GALNT13: variants seen among roughly 807,000 people sequenced by gnomAD.
The protein encoded by GALNT13 is polypeptide N-acetylgalactosaminyltransferase 13, also known as UDP-GalNAc:polypeptide N-acetylgalactosaminyltransferase 13.
A neutral mutation model predicts 64.2 loss-of-function variants in GALNT13; 28 were observed. The ratio of observed to expected loss-of-function variants is 0.44; its 90% CI spans 0.32 to 0.60. The LOEUF is 0.60. Among genes scored for constraint, GALNT13 ranks in the 20% least tolerant of loss-of-function variants. The probability of loss-of-function intolerance (pLI) is 0.05; values close to 1 mark genes in which losing one functional copy is unlikely to be tolerated. For synonymous variants in GALNT13, 214 were observed against 224.6 expected, an observed-to-expected ratio of 0.95 and a Z score of 0.42; for missense variants, 577 against 669.8, an observed-to-expected ratio of 0.86 and a Z score of 1.53.
the GALNT13 span, among the ~76,000 whole-genome samples, chr2:153,169,449 C>A: frequency 6.6e-6 from 1 of 152,152 alleles, no homozygotes; most frequent in Non-Finnish European, 1.5e-5. Flanking sequence ...AATCTGGAAG[C>A]ATGACTCATT....
At chr2:153,884,793 GTA>G (rs368640974) in intron 1 of GALNT13, among the ~76,000 whole-genome samples, 136 of 59,810 alleles carry the variant, frequency 2.3e-3, no homozygotes, top group East Asian at 8.0e-3. Context: ...ATATGTGTGT[GTA>G]TATATATATA....
the GALNT13 span, among the ~76,000 whole-genome samples, chr2:153,792,522 C>T: frequency 6.6e-6 from 1 of 152,080 alleles, no homozygotes; most frequent in African/African-American, 2.4e-5. Flanking sequence ...GGCCAATCCT[C>T]TTGATTTAAT....
the GALNT13 span, among the ~76,000 whole-genome samples, chr2:153,658,803 C>T: frequency 2.0e-5 from 3 of 150,386 alleles, no homozygotes; most frequent in Admixed American, 2.0e-4. Context: ...TTCTTTAAGA[C>T]AATCCAGAAA....
At chr2:153,973,172 A>G (rs978843888) in intron 3 of GALNT13, among the ~76,000 whole-genome samples, 2 of 149,976 alleles carry the variant, frequency 1.3e-5, no homozygotes, top group Admixed American at 6.6e-5. Context: ...TCAAAGTTAG[A>G]CAAGTAGTAG....
chr2:154,288,431 C>T lies in GALNT13; in HGVS notation c.976-12978C>T, dbSNP rs1043875577. 7.2e-5 allele frequency among the ~76,000 whole-genome samples: 11 copies of T among 152,216 alleles called. 1 individual carries two copies. The highest frequency in any genetic ancestry group is 1.2e-4 in the African/African-American group (5 of 41,562). On this transcript the variant is annotated intron_variant, in intron 8 of 12. Transcript: ENST00000392825. ...TTCAAAACCAATCATGCCTTCCCAA[C>T]AGTCCCCCAAAGTCTTAACTCATTT...
chr2:153,296,184 T>C, the GALNT13 span, among the ~76,000 whole-genome samples: 4 of 152,030 alleles, frequency 2.6e-5, no homozygotes, highest in African/African-American at 9.7e-5. Context: ...AACTGAAACT[T>C]GAGGAAAGAG....
At chr2:153,869,359 C>G (rs747706561), upstream of GALNT13, among the ~76,000 whole-genome samples, 3 of 152,106 alleles carry the variant, frequency 2.0e-5, no homozygotes, top group Admixed American at 6.6e-5. Context: ...CTCTCCAATT[C>G]TGGATTACAC....
At chr2:154,441,983 C>T (rs945611276) in intron 12 of GALNT13, among the ~76,000 whole-genome samples, 1 of 152,048 alleles carries the variant, frequency 6.6e-6, no homozygotes, top group South Asian at 2.1e-4. Context: ...GCAGTAAATC[C>T]AGCAATTTTT....
chr2:153,169,007 T>C, the GALNT13 span, among the ~76,000 whole-genome samples: 3 of 101,372 alleles, frequency 3.0e-5, no homozygotes, highest in Admixed American at 3.2e-4. Flanking sequence ...AAGTTGGAAC[T>C]ATAGTTTAAA....
At chr2:153,780,602 G>A in the GALNT13 span, among the ~76,000 whole-genome samples, 5 of 152,022 alleles carry the variant, frequency 3.3e-5, no homozygotes, top group African/African-American at 1.2e-4. Context: ...TGTTTACACA[G>A]TCATGCTCTA....
At chr2:153,290,429 T>G in the GALNT13 span, among the ~76,000 whole-genome samples, 1 of 152,188 alleles carries the variant, frequency 6.6e-6, no homozygotes, top group Non-Finnish European at 1.5e-5. Context: ...TCTCCGAAAG[T>G]TATTAAAGAA....
At chr2:153,567,236 A>C in the GALNT13 span, among the ~76,000 whole-genome samples, 5 of 152,160 alleles carry the variant, frequency 3.3e-5, no homozygotes, top group African/African-American at 1.2e-4. Flanking sequence ...CCTTCTTCTC[A>C]CTGGAGTTGT....
the GALNT13 span, among the ~76,000 whole-genome samples, chr2:153,623,305 G>C: frequency 6.6e-6 from 1 of 152,056 alleles, no homozygotes; most frequent in Non-Finnish European, 1.5e-5. Context: ...AGAATAAGAA[G>C]ACTTAGCTCT....
intron 2 of GALNT13, among the ~76,000 whole-genome samples, chr2:153,939,127 G>A (rs1691156954): frequency 6.6e-6 from 1 of 152,138 alleles, no homozygotes; most frequent in African/African-American, 2.4e-5. Context: ...AGTGGGGTGA[G>A]AAGACAGTGA....
At chr2:154,332,652 G>A (rs1315975153) in intron 9 of GALNT13, among the ~76,000 whole-genome samples, 2 of 152,056 alleles carry the variant, frequency 1.3e-5, no homozygotes, top group African/African-American at 4.8e-5. Context: ...ACATGAATCT[G>A]TCTTCCGGCT....
intron 11 of GALNT13, among the ~76,000 whole-genome samples, chr2:154,410,377 C>G (rs1475249600): frequency 6.6e-6 from 1 of 151,772 alleles, no homozygotes; most frequent in South Asian, 2.1e-4. Context: ...ATAAAGAAAC[C>G]AAAAACTTTA....
chr2:153,104,203 C>G, the GALNT13 span, among the ~76,000 whole-genome samples: 1 of 152,014 alleles, frequency 6.6e-6, no homozygotes, highest in East Asian at 1.9e-4. Context: ...ATACTTTTTC[C>G]TTCTAAAAAT....
the GALNT13 span, among the ~76,000 whole-genome samples, chr2:153,186,045 A>G: frequency 6.6e-6 from 1 of 151,896 alleles, no homozygotes; most frequent in Admixed American, 6.6e-5. Flanking sequence ...TCTGTCTAGT[A>G]TTGCCAGTGG....
the GALNT13 span, among the ~76,000 whole-genome samples, chr2:153,246,632 G>A: frequency 6.6e-6 from 1 of 152,140 alleles, no homozygotes; most frequent in Non-Finnish European, 1.5e-5. Flanking sequence ...CTGCTTACAA[G>A]AGCTCCTGAA....
Sources: allele counts gnomAD v4.1 joint callset (sites outside exome capture counted in the v4.1 genomes callset), GRCh38; gene constraint gnomAD v4.1.1; transcripts MANE v1.5; gene names NCBI Gene and HGNC (gene_info 2026-07-23, HGNC 2026-07-21).